CNTN5: variants seen among roughly 807,000 people sequenced by gnomAD.
CNTN5 encodes the protein contactin 5.
A neutral mutation model predicts 129.1 loss-of-function variants in CNTN5; 77 were observed. The observed-to-expected ratio is 0.60, with a 90% CI of 0.50 to 0.72. The LOEUF is 0.72. CNTN5 is among the 30% of genes least tolerant of loss of function. The pLI, the probability that CNTN5 is intolerant of heterozygous loss-of-function variation, is 0.00. For synonymous variants in CNTN5, 509 were observed against 465.6 expected (o/e 1.09, Z -1.20); for missense variants, 1,478 against 1,328.8 (o/e 1.11, Z -1.75).
chr11:99,240,914 C>T (rs1219263752), intron 1 of CNTN5, among the ~76,000 whole-genome samples: 5 of 152,114 alleles, frequency 3.3e-5, no homozygotes, highest in Non-Finnish European at 1.5e-5. Flanking sequence ...TGCGTCACTA[C>T]TGAAAAACAA....
At chr11:99,760,693 C>T (rs1220063292) in intron 3 of CNTN5, among the ~76,000 whole-genome samples, 1 of 152,070 alleles carries the variant, frequency 6.6e-6, no homozygotes, top group Admixed American at 6.6e-5. Context: ...TACTGACTCT[C>T]TTAAAGTAAT....
chr11:99,637,863 T>A (rs924060339), intron 3 of CNTN5, among the ~76,000 whole-genome samples: 1 of 152,124 alleles, frequency 6.6e-6, no homozygotes, highest in Non-Finnish European at 1.5e-5. Flanking sequence ...TTAATCCTCC[T>A]GTGTCTCTGA....
At chr11:99,948,640 C>A (rs368741460) in intron 7 of CNTN5, among the ~76,000 whole-genome samples, 1 of 152,120 alleles carries the variant, frequency 6.6e-6, no homozygotes, top group African/African-American at 2.4e-5. Flanking sequence ...TGTAATAATT[C>A]TTAAGTTATT....
At chr11:99,053,535 A>G (rs1864511020) in intron 1 of CNTN5, among the ~76,000 whole-genome samples, 1 of 151,834 alleles carries the variant, frequency 6.6e-6, no homozygotes, top group African/African-American at 2.4e-5. Flanking sequence ...CCTGGTCTAT[A>G]GATTCTTTGA....
chr11:99,753,787 A>G (rs1231373234), intron 3 of CNTN5, among the ~76,000 whole-genome samples: 1 of 146,432 alleles, frequency 6.8e-6, no homozygotes, highest in South Asian at 2.2e-4. Context: ...CTCTGGGTTC[A>G]TGCAATTCTC....
At chr11:99,833,142 A>C (rs894415618) in intron 4 of CNTN5, among the ~76,000 whole-genome samples, 2 of 152,190 alleles carry the variant, frequency 1.3e-5, no homozygotes, top group Non-Finnish European at 2.9e-5. Flanking sequence ...GGAGTCTCAG[A>C]TGGATGATAC....
chr11:99,467,238 C>T (rs1196657266), intron 2 of CNTN5, among the ~76,000 whole-genome samples: 2 of 151,924 alleles, frequency 1.3e-5, no homozygotes, highest in African/African-American at 4.8e-5. Flanking sequence ...TATATTTGCG[C>T]TTTTTTGGGT....
chr11:99,249,238 G>C (rs1464167743), intron 1 of CNTN5, among the ~76,000 whole-genome samples: 1 of 152,056 alleles, frequency 6.6e-6, no homozygotes, highest in Non-Finnish European at 1.5e-5. Context: ...ATTGTGAATG[G>C]GAGTTCACTC....
At chr11:99,942,908 T>G (rs1342426735) in intron 7 of CNTN5, among the ~76,000 whole-genome samples, 2 of 152,242 alleles carry the variant, frequency 1.3e-5, no homozygotes, top group South Asian at 4.1e-4. Context: ...ATATGGAATA[T>G]GTGGTGTATA....
intron 1 of CNTN5, among the ~76,000 whole-genome samples, chr11:99,112,356 C>T (rs1305511333): frequency 2.6e-5 from 4 of 151,862 alleles, no homozygotes; most frequent in East Asian, 1.9e-4. Flanking sequence ...ATCTGAAATA[C>T]GCTTTTTCCT....
At chr11:100,272,674 G>A (rs1408457662) in intron 18 of CNTN5, among the ~76,000 whole-genome samples, 1 of 152,170 alleles carries the variant, frequency 6.6e-6, no homozygotes, top group Non-Finnish European at 1.5e-5. Flanking sequence ...GGAAAACACA[G>A]AGGTTGGGCT....
At chr11:100,284,120 G>A (rs1396669533) in intron 18 of CNTN5, among the ~76,000 whole-genome samples, 1 of 152,086 alleles carries the variant, frequency 6.6e-6, no homozygotes, top group South Asian at 2.1e-4. Context: ...TGTGTTGTGG[G>A]GCCACTGCTG....
intron 13 of CNTN5, among the ~76,000 whole-genome samples, chr11:100,139,212 CA>C (rs990107193): frequency 2.0e-5 from 3 of 152,046 alleles, no homozygotes; most frequent in African/African-American, 4.8e-5. Flanking sequence ...ATGGCATAAT[CA>C]CCATATAGAT....
At chr11:100,041,071 C>T (rs758693432) in intron 9 of CNTN5, among the ~76,000 whole-genome samples, 3 of 152,222 alleles carry the variant, frequency 2.0e-5, no homozygotes, top group Non-Finnish European at 4.4e-5. Flanking sequence ...GCGTCACTCA[C>T]ACTAGGAGCT....
At chr11:99,542,287 TGTACCCA>T (rs1948144526) in intron 2 of CNTN5, among the ~76,000 whole-genome samples, 1 of 152,136 alleles carries the variant, frequency 6.6e-6, no homozygotes, top group South Asian at 2.1e-4. Context: ...TTTGTAACTT[TGTACCCA>T]GTAACCAACC....
At chr11:99,721,452 C>T (rs1159754458) in intron 3 of CNTN5, among the ~76,000 whole-genome samples, 2 of 152,034 alleles carry the variant, frequency 1.3e-5, no homozygotes, top group Admixed American at 6.6e-5. Flanking sequence ...GAAGCTGGAC[C>T]CCTTCCTTAC....
rs1946521126 is a variant in CNTN5 at position 99,814,497 on chromosome 11, T to C, written c.56-5047T>C. 2.0e-5 allele frequency among the ~76,000 whole-genome samples: 3 copies of C among 152,166 alleles called. No individual in the cohort carries two copies. The South Asian group carries it at 6.2e-4, about 31-fold the overall frequency. ...AGTCAGTTATCACACATTGAGTTCTTTCAGCATGATACTGTATTCTTTGGC... is the reference window on the plus strand; with the variant it reads ...AGTCAGTTATCACACATTGAGTTCTCTCAGCATGATACTGTATTCTTTGGC... On this transcript the variant is annotated intron_variant, in intron 3 of 24. Transcript: ENST00000524871.
At chr11:99,185,593 C>T (rs1028565793) in intron 1 of CNTN5, among the ~76,000 whole-genome samples, 17 of 151,666 alleles carry the variant, frequency 1.1e-4, no homozygotes, top group Non-Finnish European at 2.5e-4. Context: ...TTAAGATCTG[C>T]ATTGAACTTT....
chr11:99,481,162 G>A (rs1013616351), intron 2 of CNTN5, among the ~76,000 whole-genome samples: 1 of 151,824 alleles, frequency 6.6e-6, no homozygotes, highest in South Asian at 2.1e-4. Context: ...GCATTCAAAG[G>A]TTCTTGCCAC....
Sources: allele counts gnomAD v4.1 joint callset (sites outside exome capture counted in the v4.1 genomes callset), GRCh38; gene constraint gnomAD v4.1.1; transcripts MANE v1.5; gene names NCBI Gene and HGNC (gene_info 2026-07-23, HGNC 2026-07-21).